LRRC37A2: variants seen among roughly 807,000 people sequenced by gnomAD.
The protein encoded by LRRC37A2 is leucine rich repeat containing 37 member A2.
In LRRC37A2, 9 loss-of-function variants were observed where a neutral mutation model predicts 68.8. The ratio of observed to expected loss-of-function variants is 0.13; its 90% CI spans 0.08 to 0.23. The LOEUF (loss-of-function observed/expected upper bound fraction) is 0.23. LRRC37A2 is among the 10% of genes least tolerant of loss of function. The pLI is 1.00. For missense variants in LRRC37A2, 168 were observed against 950.4 expected (o/e 0.18, Z 10.82); for synonymous variants, 63 against 367.6 (o/e 0.17, Z 9.48).
chr17:47,017,044 A>G, the LRRC37A2 span: 1 of 974,796 alleles, frequency 1.0e-6, no homozygotes, highest in African/African-American at 1.7e-5. Context: ...GTGTTCCGGC[A>G]GGGCAGGATG....
At chr17:46,505,456 AT>A in the LRRC37A2 span, among the ~76,000 whole-genome samples, 4 of 99,084 alleles carry the variant, frequency 4.0e-5, no homozygotes, top group African/African-American at 4.6e-5. Flanking sequence ...TTATCTAAAG[AT>A]TTGTTTATCT....
the LRRC37A2 span, among the ~76,000 whole-genome samples, chr17:46,952,405 A>G: frequency 6.6e-6 from 1 of 152,128 alleles, no homozygotes; most frequent in East Asian, 1.9e-4. Context: ...TTTCCTGACC[A>G]ACATCCATTC....
chr17:46,926,246 C>G, the LRRC37A2 span, among the ~76,000 whole-genome samples: 1 of 152,084 alleles, frequency 6.6e-6, no homozygotes, highest in Middle Eastern at 3.2e-3. Flanking sequence ...TGAAAATGAC[C>G]AGATTGTTGC....
At chr17:46,853,138 G>A in the LRRC37A2 span, among the ~76,000 whole-genome samples, 2 of 152,084 alleles carry the variant, frequency 1.3e-5, no homozygotes, top group African/African-American at 2.4e-5. Context: ...TGTTCCCTCG[G>A]CAGGCAGGAT....
At chr17:46,784,584 C>T in the LRRC37A2 span, among the ~76,000 whole-genome samples, 7 of 152,254 alleles carry the variant, frequency 4.6e-5, no homozygotes, top group East Asian at 1.4e-3. Flanking sequence ...CTGAACCTCA[C>T]ACTAGGAGGC....
At chr17:46,851,369 G>T in the LRRC37A2 span, among the ~76,000 whole-genome samples, 2 of 151,078 alleles carry the variant, frequency 1.3e-5, 1 homozygote, top group Non-Finnish European at 3.0e-5. The surrounding 1 kb of genome is among the most constrained non-coding windows in gnomAD (Gnocchi z 4.3). Context: ...CCAGGTGAGC[G>T]CTCACCTGGG....
the LRRC37A2 span, chr17:46,637,281 AT>A: frequency 1.6e-5 from 1 of 62,284 alleles, no homozygotes; most frequent in Non-Finnish European, 3.3e-5. Flanking sequence ...GAAGTAGTTT[AT>A]GATTCATTTA....
chr17:46,820,442 G>T, the LRRC37A2 span, among the ~76,000 whole-genome samples: 1 of 152,130 alleles, frequency 6.6e-6, no homozygotes, highest in East Asian at 1.9e-4. Flanking sequence ...AAAACTGTCG[G>T]GGGGAGGCTG....
chr17:46,942,218 C>T, the LRRC37A2 span, among the ~76,000 whole-genome samples: 381 of 152,296 alleles, frequency 2.5e-3, no homozygotes, highest in East Asian at 8.3e-3. Flanking sequence ...AAGAAAGAAA[C>T]GTCATCTGTT....
At chr17:46,568,765 A>C in the LRRC37A2 span, among the ~76,000 whole-genome samples, 1 of 93,520 alleles carries the variant, frequency 1.1e-5, no homozygotes. Context: ...AGATTGTGCC[A>C]CTGCACGAGA....
At chr17:46,874,588 A>AT in the LRRC37A2 span, among the ~76,000 whole-genome samples, 1 of 151,916 alleles carries the variant, frequency 6.6e-6, no homozygotes, top group Admixed American at 6.6e-5. Context: ...AATTAAAAAA[A>AT]TTTTTTTGAG....
the LRRC37A2 span, among the ~76,000 whole-genome samples, chr17:47,008,620 C>A: frequency 6.6e-6 from 1 of 151,490 alleles, no homozygotes; most frequent in Non-Finnish European, 1.5e-5. Flanking sequence ...CCATGCCTGG[C>A]TAGTTTTTTT....
At chr17:46,815,292 G>A in the LRRC37A2 span, among the ~76,000 whole-genome samples, 1 of 152,182 alleles carries the variant, frequency 6.6e-6, no homozygotes, top group Non-Finnish European at 1.5e-5. Context: ...TCACTACCTG[G>A]AGAACATCTC....
the LRRC37A2 span, chr17:46,818,395 G>A: frequency 3.9e-5 from 37 of 953,448 alleles, no homozygotes; most frequent in South Asian, 5.2e-4. Context: ...GGCGGGTGGG[G>A]GGCTGGAGGG....
chr17:46,755,531 C>T, the LRRC37A2 span: 1 of 724,956 alleles, frequency 1.4e-6, no homozygotes, highest in East Asian at 2.7e-5. Context: ...GTTGGTTGTA[C>T]TGTTGGTTTG....
chr17:46,980,360 T>TCCC, the LRRC37A2 span, among the ~76,000 whole-genome samples: 1 of 72,744 alleles, frequency 1.4e-5, no homozygotes, highest in Admixed American at 1.3e-4. Context: ...TCCTTCTTCT[T>TCCC]TCTTTCTCTT....
chr17:47,005,134 A>T, the LRRC37A2 span, among the ~76,000 whole-genome samples: 4 of 152,244 alleles, frequency 2.6e-5, no homozygotes, highest in South Asian at 8.3e-4. Context: ...GGATCCAAGT[A>T]AATGTGTAAG....
the LRRC37A2 span, among the ~76,000 whole-genome samples, chr17:46,836,247 G>T: frequency 2.6e-5 from 4 of 152,038 alleles, no homozygotes; most frequent in Admixed American, 2.0e-4. Flanking sequence ...AGAGTGCGGA[G>T]GAAGTGATAT....
At chr17:46,731,472 A>G in the LRRC37A2 span, among the ~76,000 whole-genome samples, 1 of 152,158 alleles carries the variant, frequency 6.6e-6, no homozygotes, top group Non-Finnish European at 1.5e-5. Context: ...TACACTTTAA[A>G]TGGGTAAACT....
Sources: gnomAD v4.1 joint callset for allele counts (sites outside exome capture counted in the v4.1 genomes callset) on GRCh38, gnomAD v4.1.1 for gene constraint, Gnocchi (gnomAD v3.1) non-coding constraint, MANE v1.5 for transcripts, NCBI Gene and HGNC (gene_info 2026-07-23, HGNC 2026-07-21) for gene names.